The following MAML3 variants were observed in gnomAD, a reference collection of about 807,000 sequenced individuals.
The protein encoded by MAML3 is mastermind-like protein 3.
MAML3 carries 27 observed loss-of-function variants against 101.9 expected under a neutral mutation model. That is an observed-to-expected ratio of 0.27 (90% CI 0.20 to 0.37). MAML3 has a LOEUF of 0.37. MAML3 is among the 10% of genes least tolerant of loss of function. The pLI, the probability that MAML3 is intolerant of heterozygous loss-of-function variation, is 1.00. For missense variants in MAML3, 1,316 were observed against 1,444.9 expected (o/e 0.91, Z 1.45); for synonymous variants, 501 against 555.9 (o/e 0.90, Z 1.39).
At chr4:139,814,685 ACTTGGTAGGCAATG>A (rs1263634594) in intron 2 of MAML3, among the ~76,000 whole-genome samples, 1 of 152,094 alleles carries the variant, frequency 6.6e-6, no homozygotes, top group Non-Finnish European at 1.5e-5. Context: ...CACCACCAAG[ACTTGGTAGGCAATG>A]CTGATAATGT....
rs1338322626 is a variant in MAML3 at position 139,719,461 on chromosome 4, T to A, written c.3279A>T (p.Ser1093=). The A allele has an allele frequency of 6.2e-7, 1 of 1,614,034 alleles. No individual in the cohort carries two copies. The highest frequency in any genetic ancestry group is 1.1e-5 in the South Asian group (1 of 91,082). The change falls in exon 5 of 5, where the codon TCA becomes TCT. Residue 1093 remains serine (S), a synonymous_variant. Coordinates refer to ENST00000509479, the MANE Select transcript of MAML3 (RefSeq NM_018717.5). ...AYERNAPQDV[S]YNYSGDGAGG... ...CAGCTCCGTCGCCACTGTAATTGTA[T>A]GACACGTCCTGAGGGGCATTCCGCT...
chr4:139,987,568 C>G (rs532189707), intron 1 of MAML3, among the ~76,000 whole-genome samples: 8 of 152,268 alleles, frequency 5.3e-5, no homozygotes, highest in African/African-American at 1.9e-4. Context: ...TGTTCCTTCT[C>G]TTCTTGGGGT....
intron 1 of MAML3, among the ~76,000 whole-genome samples, chr4:140,011,762 T>C (rs995129477): frequency 6.6e-6 from 1 of 152,210 alleles, no homozygotes; most frequent in African/African-American, 2.4e-5. Context: ...GTTTGTGCAC[T>C]GCAGTTTCTG....
intron 1 of MAML3, among the ~76,000 whole-genome samples, chr4:140,045,985 GA>G (rs1489745991): frequency 6.6e-6 from 1 of 152,210 alleles, no homozygotes; most frequent in African/African-American, 2.4e-5. Flanking sequence ...GGAATTGCAT[GA>G]ATATTCTCTA....
intron 1 of MAML3, among the ~76,000 whole-genome samples, chr4:140,109,459 G>A (rs1004867411): frequency 6.6e-6 from 1 of 152,152 alleles, no homozygotes; most frequent in Non-Finnish European, 1.5e-5. Context: ...AGACCACACG[G>A]TGTCTCCTTG....
intron 2 of MAML3, among the ~76,000 whole-genome samples, chr4:139,869,977 TC>T (rs1731971538): frequency 6.6e-6 from 1 of 152,240 alleles, no homozygotes; most frequent in Admixed American, 6.5e-5. Context: ...TTGCTTTGGT[TC>T]CTAGTTCTAG....
At chr4:139,782,570 C>T (rs1441906683) in intron 2 of MAML3, among the ~76,000 whole-genome samples, 2 of 152,114 alleles carry the variant, frequency 1.3e-5, no homozygotes, top group African/African-American at 4.8e-5. Flanking sequence ...AGTGGCTTTC[C>T]CCACTTTAAC....
At chr4:139,891,655 A>ATGAGAACAT (rs1397884758) in intron 1 of MAML3, among the ~76,000 whole-genome samples, 1 of 152,242 alleles carries the variant, frequency 6.6e-6, no homozygotes, top group African/African-American at 2.4e-5. Context: ...CACAACTTAA[A>ATGAGAACAT]TGAGAACATC....
At chr4:139,978,492 T>C (rs1357668102) in intron 1 of MAML3, among the ~76,000 whole-genome samples, 1 of 151,920 alleles carries the variant, frequency 6.6e-6, no homozygotes, top group Non-Finnish European at 1.5e-5. Flanking sequence ...AATCTGCAAA[T>C]GCTTTAAAAA....
chr4:139,901,939 C>T (rs964747796), intron 1 of MAML3, among the ~76,000 whole-genome samples: 1 of 152,204 alleles, frequency 6.6e-6, no homozygotes, highest in African/African-American at 2.4e-5. Context: ...CTCAACAGCA[C>T]TGAAGTCGTG....
chr4:139,978,421 A>G (rs1268686509), intron 1 of MAML3, among the ~76,000 whole-genome samples: 1 of 152,138 alleles, frequency 6.6e-6, no homozygotes, highest in Non-Finnish European at 1.5e-5. Flanking sequence ...AAGAGCCTCA[A>G]CAGGTGGCAA....
intron 2 of MAML3, among the ~76,000 whole-genome samples, chr4:139,872,718 A>G (rs1463370400): frequency 6.6e-6 from 1 of 152,164 alleles, no homozygotes; most frequent in South Asian, 2.1e-4. Flanking sequence ...TGAAAAGGTG[A>G]TGGAAAGAAT....
At chr4:139,725,188 G>A (rs577903826) in intron 4 of MAML3, among the ~76,000 whole-genome samples, 183 of 152,224 alleles carry the variant, frequency 1.2e-3, no homozygotes, top group African/African-American at 4.3e-3. Flanking sequence ...TCCCGCAAAC[G>A]GCTACAGGAT....
intron 1 of MAML3, among the ~76,000 whole-genome samples, chr4:139,907,588 T>C (rs1373103585): frequency 6.6e-6 from 1 of 152,256 alleles, no homozygotes; most frequent in Non-Finnish European, 1.5e-5. Context: ...ACATGACTCA[T>C]TCAAAAGAAT....
At chr4:139,834,478 G>A (rs960777646) in intron 2 of MAML3, among the ~76,000 whole-genome samples, 10 of 152,218 alleles carry the variant, frequency 6.6e-5, no homozygotes, top group South Asian at 2.1e-4. Context: ...GCCGGCCAGC[G>A]CCCTCTGTAA....
intron 1 of MAML3, among the ~76,000 whole-genome samples, chr4:140,038,075 CTATGTGATTAATAAAGATCACAG>C (rs1235376897): frequency 6.6e-6 from 1 of 152,200 alleles, no homozygotes; most frequent in Admixed American, 6.5e-5. Context: ...ATGACAGTCC[CTATGTGATTAATAAAGATCACAG>C]GATACTTCAG....
At chr4:139,804,914 C>G (rs891332001) in intron 2 of MAML3, among the ~76,000 whole-genome samples, 3 of 152,150 alleles carry the variant, frequency 2.0e-5, no homozygotes, top group South Asian at 2.1e-4. Flanking sequence ...CGCGATGGCT[C>G]ACACCTGTAA....
At chr4:140,001,993 A>G (rs985598157) in intron 1 of MAML3, among the ~76,000 whole-genome samples, 26 of 152,210 alleles carry the variant, frequency 1.7e-4, no homozygotes, top group Non-Finnish European at 2.6e-4. Context: ...ATATGTATAC[A>G]CTATGCAATG....
chr4:140,083,961 CACACACAGAGAGAGAGAGAGAGAGAG>C (rs1408917218), intron 1 of MAML3, among the ~76,000 whole-genome samples: 1 of 36,106 alleles, frequency 2.8e-5, no homozygotes, highest in African/African-American at 7.4e-5. Flanking sequence ...CACACACACA[CACACACAGAGAGAGAGAGAGAGAGAG>C]AGAGAGAGAG....
Sources: gnomAD v4.1 joint callset for allele counts (sites outside exome capture counted in the v4.1 genomes callset) on GRCh38, gnomAD v4.1.1 for gene constraint, MANE v1.5 for transcripts, NCBI Gene and HGNC (gene_info 2026-07-23, HGNC 2026-07-21) for gene names.